The following PTPRA variants were observed in gnomAD, a reference collection of about 807,000 sequenced individuals.
The protein encoded by PTPRA is receptor-type tyrosine-protein phosphatase alpha.
PTPRA carries 25 observed loss-of-function variants against 104.8 expected under a neutral mutation model. The observed-to-expected ratio is 0.24, with a 90% CI of 0.17 to 0.33. The LOEUF (loss-of-function observed/expected upper bound fraction) is 0.33, where lower values mean the gene tolerates loss of function less well. PTPRA is among the 10% of genes least tolerant of loss of function. The pLI is 1.00. For missense variants in PTPRA, 765 were observed against 1,015.3 expected (o/e 0.75, Z 3.35); for synonymous variants, 323 against 368.9 (o/e 0.88, Z 1.43).
chr20:2,964,148 A>G (rs540349381), intron 3 of PTPRA, 124 bp from the exon 4 acceptor site: 2 of 779,448 alleles, frequency 2.6e-6, no homozygotes, highest in Admixed American at 5.3e-5. Flanking sequence ...TCAGGCTCCC[A>G]AAAGATCATT....
At chr20:3,034,327 G>A (rs943681097) in intron 20 of PTPRA, among the ~76,000 whole-genome samples, 2 of 152,144 alleles carry the variant, frequency 1.3e-5, no homozygotes, top group African/African-American at 2.4e-5. Context: ...GACTTGATAT[G>A]TATTTCTGTC....
chr20:2,998,287 G>A (rs1202041293), intron 9 of PTPRA, among the ~76,000 whole-genome samples: 2 of 152,010 alleles, frequency 1.3e-5, no homozygotes, highest in African/African-American at 4.8e-5. Context: ...TGCGATGTGA[G>A]ATGTGACCTT....
intron 1 of PTPRA, among the ~76,000 whole-genome samples, chr20:2,894,358 C>T (rs1443382078): frequency 2.0e-5 from 3 of 152,152 alleles, no homozygotes; most frequent in Non-Finnish European, 4.4e-5. Flanking sequence ...TCAGGGGTTC[C>T]AAACCCAAAT....
intron 22 of PTPRA, among the ~76,000 whole-genome samples, chr20:3,036,468 G>A (rs1438312150): frequency 6.6e-6 from 1 of 152,254 alleles, no homozygotes; most frequent in East Asian, 1.9e-4. Context: ...TGTGCACCAT[G>A]GGCTGGCTCT....
intron 6 of PTPRA, among the ~76,000 whole-genome samples, chr20:2,979,110 G>T (rs2062565102): frequency 6.6e-6 from 1 of 152,198 alleles, no homozygotes; most frequent in African/African-American, 2.4e-5. Context: ...AGTTAGGATA[G>T]TAGGAATTTG....
chr20:2,900,131 G>GA (rs2059172513), intron 1 of PTPRA, among the ~76,000 whole-genome samples: 1 of 104,702 alleles, frequency 9.6e-6, no homozygotes, highest in African/African-American at 4.5e-5. Context: ...AAAACAAAAC[G>GA]AAAAATCTGC....
chr20:2,957,105 G>A (rs946577637), intron 3 of PTPRA, among the ~76,000 whole-genome samples: 28 of 152,140 alleles, frequency 1.8e-4, no homozygotes, highest in Non-Finnish European at 2.9e-5. Flanking sequence ...CCAACACAGT[G>A]AAACCCTGTC....
the PTPRA span, among the ~76,000 whole-genome samples, chr20:2,867,196 GC>G: frequency 6.6e-6 from 1 of 152,208 alleles, no homozygotes; most frequent in Non-Finnish European, 1.5e-5. Flanking sequence ...CTGGAATCGG[GC>G]CCTCTGTGAG....
chr20:2,974,841 G>GTT (rs745572003), intron 5 of PTPRA, among the ~76,000 whole-genome samples: 11 of 152,166 alleles, frequency 7.2e-5, no homozygotes, highest in Non-Finnish European at 1.5e-4. Context: ...GGTTTTCTCT[G>GTT]TTAGTCTGTA....
In PTPRA at chr20:3,007,963, A is replaced by G. The variant is rs902731746; in HGVS notation, c.906+543A>G. On this transcript the variant is annotated intron_variant, in intron 11 of 23. Coordinates refer to ENST00000399903, the MANE Select transcript of PTPRA (RefSeq NM_001385305.1). Reference sequence around the variant, plus strand: ...ATGTTTATAGAACAGTCTGTATGAGAGATTTGAGGTTTTTGTTTGGTTGGT... The same window carrying G: ...ATGTTTATAGAACAGTCTGTATGAGGGATTTGAGGTTTTTGTTTGGTTGGT... Among the ~76,000 whole-genome samples, 10 of 152,146 alleles carry G rather than the reference A, an allele frequency of 6.6e-5. 1 individual carries two copies. Among genetic ancestry groups the G allele is most frequent in the Non-Finnish European group, 1.5e-4 (10 of 68,038 alleles).
intron 11 of PTPRA, among the ~76,000 whole-genome samples, chr20:3,014,164 A>G (rs1175623441): frequency 1.3e-5 from 2 of 152,248 alleles, no homozygotes; most frequent in Non-Finnish European, 2.9e-5. Context: ...AATTAAGGCT[A>G]TTTCCATTTC....
intron 2 of PTPRA, among the ~76,000 whole-genome samples, chr20:2,931,315 G>C (rs2060495121): frequency 6.6e-6 from 1 of 152,156 alleles, no homozygotes; most frequent in Non-Finnish European, 1.5e-5. Context: ...TTTCGAAAAA[G>C]TAGTATGTAA....
intron 1 of PTPRA, among the ~76,000 whole-genome samples, chr20:2,893,058 G>T (rs1239153829): frequency 1.3e-5 from 2 of 152,170 alleles, no homozygotes; most frequent in Non-Finnish European, 2.9e-5. Context: ...GTATCCAACG[G>T]CTCTTGAAAG....
intron 6 of PTPRA, among the ~76,000 whole-genome samples, chr20:2,984,964 A>C (rs967780365): frequency 2.6e-5 from 4 of 152,158 alleles, no homozygotes; most frequent in African/African-American, 9.7e-5. Flanking sequence ...TTTATTCCTC[A>C]TAGCACTTGT....
chr20:2,901,611 CTTATG>C (rs2059240270), intron 1 of PTPRA, among the ~76,000 whole-genome samples: 1 of 152,050 alleles, frequency 6.6e-6, no homozygotes, highest in Non-Finnish European at 1.5e-5. Context: ...GAACCTGTTA[CTTATG>C]TTATATTGTT....
chr20:2,959,645 A>G (rs970134513), intron 3 of PTPRA, among the ~76,000 whole-genome samples: 1 of 152,176 alleles, frequency 6.6e-6, no homozygotes, highest in Non-Finnish European at 1.5e-5. Context: ...TCACAGCAAA[A>G]TTGATCAAAA....
In PTPRA at chr20:2,927,352, C is replaced by T. The variant is rs142132641; in HGVS notation, c.-50+4067C>T. ...AAAATGAAGAAAAAGTGAATTCTCTCTCTGAAACTATCAGTTGCTTCCAAT... is the reference window on the plus strand; with the variant it reads ...AAAATGAAGAAAAAGTGAATTCTCTTTCTGAAACTATCAGTTGCTTCCAAT... On this transcript the variant is annotated intron_variant, in intron 2 of 23. Coordinates refer to ENST00000399903, the MANE Select transcript of PTPRA (RefSeq NM_001385305.1). Among the ~76,000 whole-genome samples the T allele has an allele frequency of 3.2e-3, 495 of 152,312 alleles. 4 individuals are homozygous for T. The highest frequency in any genetic ancestry group is 0.011 in the African/African-American group (474 of 41,570).
chr20:2,944,508 G>A (rs577577867), intron 2 of PTPRA, among the ~76,000 whole-genome samples: 2 of 152,332 alleles, frequency 1.3e-5, no homozygotes, highest in Admixed American at 6.5e-5. Context: ...TATGACAGCA[G>A]TGTTCCCATA....
chr20:2,981,073 CT>C (rs2062654287), intron 6 of PTPRA, among the ~76,000 whole-genome samples: 1 of 151,942 alleles, frequency 6.6e-6, no homozygotes, highest in Non-Finnish European at 1.5e-5. Context: ...CCCAGGAGAC[CT>C]TCTGTGGACC....
Sources: allele counts gnomAD v4.1 joint callset (sites outside exome capture counted in the v4.1 genomes callset), GRCh38; gene constraint gnomAD v4.1.1; transcripts MANE v1.5; gene names NCBI Gene and HGNC (gene_info 2026-07-23, HGNC 2026-07-21).